EPS15L1: variants seen among roughly 807,000 people sequenced by gnomAD.
EPS15L1 encodes the protein epidermal growth factor receptor substrate 15-like 1.
Under a neutral mutation model 117.1 loss-of-function variants are expected in EPS15L1, and 43 were observed. The ratio of observed to expected loss-of-function variants is 0.37; its 90% CI spans 0.29 to 0.47. The LOEUF (loss-of-function observed/expected upper bound fraction) is 0.47. Ranked by LOEUF, EPS15L1 falls within the 20% of genes least tolerant of loss-of-function variation. EPS15L1 has a pLI of 0.99. For synonymous variants in EPS15L1, 459 were observed against 470.5 expected (o/e 0.98, Z 0.32); for missense variants, 981 against 1,164.0 (o/e 0.84, Z 2.29).
intron 1 of EPS15L1, among the ~76,000 whole-genome samples, chr19:16,465,933 A>T (rs558011199): frequency 5.9e-4 from 89 of 151,942 alleles, no homozygotes; most frequent in African/African-American, 2.1e-3. Context: ...GCCTGAGCTC[A>T]CTGGGTACAA....
intron 13 of EPS15L1, among the ~76,000 whole-genome samples, chr19:16,410,846 G>A (rs1319026397): frequency 1.3e-5 from 2 of 152,238 alleles, no homozygotes; most frequent in African/African-American, 4.8e-5. Context: ...CTGGGAGGCA[G>A]AAGTTGCAGT....
chr19:16,392,700 T>C (rs1174661019), intron 18 of EPS15L1, among the ~76,000 whole-genome samples: 1 of 152,146 alleles, frequency 6.6e-6, no homozygotes, highest in Non-Finnish European at 1.5e-5. Context: ...TATTACATAG[T>C]AAAATGGGTG....
At chr19:16,393,590 A>C (rs1179169929) in intron 18 of EPS15L1, among the ~76,000 whole-genome samples, 2 of 150,452 alleles carry the variant, frequency 1.3e-5, no homozygotes, top group East Asian at 1.9e-4. Flanking sequence ...CGGAGCTTGC[A>C]GTGAGCCGAG....
intron 17 of EPS15L1, 107 bp downstream of exon 17, chr19:16,395,237 C>G: frequency 9.0e-7 from 1 of 1,106,564 alleles, no homozygotes; most frequent in South Asian, 1.7e-5. Flanking sequence ...CTTTCCCCCT[C>G]CATTTCAGAT....
chr19:16,369,203 G>A (rs1366636845), intron 22 of EPS15L1, among the ~76,000 whole-genome samples: 2 of 152,114 alleles, frequency 1.3e-5, no homozygotes, highest in Admixed American at 6.5e-5. Flanking sequence ...AGTCCTGCAG[G>A]CACCAGCCCC....
rs200662040 is a variant in EPS15L1, at chr19:16,410,133, C to CAA, written c.1266+3638_1266+3639dup. Among the ~76,000 whole-genome samples the CAA allele has an allele frequency of 1.5e-3, 123 of 81,750 alleles. 1 individual carries two copies. The highest frequency in any genetic ancestry group is 2.9e-3 in the African/African-American group (64 of 21,708). 53.6% of individuals were successfully genotyped at this position (81,750 alleles called of 152,430 possible). Reference sequence around the variant, plus strand: ...TAGGCAACAGAGTGAGACTCCGTCTCAAAAAAAAAAAAAAATGCAATTTAA... The same window carrying CAA: ...TAGGCAACAGAGTGAGACTCCGTCTCAAAAAAAAAAAAAAAAATGCAATTTAA... On this transcript the variant is annotated intron_variant, in intron 13 of 23. Transcript: ENST00000455140.
At chr19:16,385,057 T>G (rs2092404870) in intron 21 of EPS15L1, 72 bp downstream of exon 21, 3 of 1,193,852 alleles carry the variant, frequency 2.5e-6, no homozygotes, top group Non-Finnish European at 3.7e-6. Flanking sequence ...CAATTACGCC[T>G]GGCAGCCCAC....
intron 22 of EPS15L1, 133 bp from the exon 23 acceptor site, chr19:16,362,117 G>A: frequency 1.1e-6 from 1 of 890,390 alleles, no homozygotes; most frequent in Non-Finnish European, 1.7e-6. Flanking sequence ...CTAACAGGCT[G>A]GACGGGGGTA....
chr19:16,430,031 G>T (rs747745065), intron 7 of EPS15L1, among the ~76,000 whole-genome samples: 1 of 152,242 alleles, frequency 6.6e-6, no homozygotes, highest in Non-Finnish European at 1.5e-5. Flanking sequence ...GTCCCCTGGG[G>T]GGTGGAAGTG....
intron 1 of EPS15L1, among the ~76,000 whole-genome samples, chr19:16,465,439 T>C (rs951131432): frequency 2.6e-4 from 39 of 152,110 alleles, no homozygotes; most frequent in Non-Finnish European, 4.1e-4. Flanking sequence ...ATCTCAGCGC[T>C]TTGGAGGCAG....
intron 1 of EPS15L1, among the ~76,000 whole-genome samples, chr19:16,456,869 T>A (rs2093202231): frequency 6.6e-6 from 1 of 151,714 alleles, no homozygotes. Flanking sequence ...ACGGCCCCAG[T>A]CAGGTGGAAG....
Position 16,404,899 on chromosome 19 carries a change from C to G in EPS15L1, c.1267-150G>C. On this transcript the variant is annotated intron_variant, in intron 13 of 23. Transcript: ENST00000455140. The surrounding 1 kb of genome is among the most constrained non-coding windows in gnomAD (Gnocchi z 4.2). ...AGGGCCAGCATTCCGTGCACACCCA[C>G]GGCCAATGTGTGCCTCTTGGGCTGG... 2.4e-6 allele frequency: 2 copies of G among 816,434 alleles called. No homozygotes were observed. The highest frequency in any genetic ancestry group is 3.9e-6 in the Non-Finnish European group (2 of 512,276). 50.6% of individuals were successfully genotyped at this position (816,434 alleles called of 1,614,324 possible).
rs1331120597 is a variant in EPS15L1 at position 16,413,766 on chromosome 19, C to G, written c.1266+7G>C. 6.2e-7 allele frequency: 1 copy of G among 1,612,850 alleles called. No homozygotes were observed. Among genetic ancestry groups the G allele is most frequent in the South Asian group, 1.1e-5 (1 of 91,048 alleles). On this transcript the variant is annotated splice_region_variant and intron_variant, in intron 13 of 23. Transcript: ENST00000455140. Reference sequence around the variant, plus strand: ...GTAGATGTAACCAAAACGAACGAGACCCTTACCTGCACCTCGCTGGTTTTC... The same window carrying G: ...GTAGATGTAACCAAAACGAACGAGAGCCTTACCTGCACCTCGCTGGTTTTC...
intron 7 of EPS15L1, 32 bp downstream of exon 7, chr19:16,434,333 G>A (rs1291057076): frequency 1.2e-6 from 2 of 1,609,652 alleles, no homozygotes; most frequent in East Asian, 4.5e-5. Context: ...GGGACACTGA[G>A]TGCAGAAGAA....
intron 15 of EPS15L1, 27 bp from the exon 16 acceptor site, chr19:16,402,512 T>G (rs765951004): frequency 4.5e-6 from 7 of 1,557,976 alleles, no homozygotes; most frequent in Non-Finnish European, 5.2e-6. Flanking sequence ...TCATCAGCAT[T>G]AAGCAGGGTC....
chr19:16,377,777 C>A (rs2092314104), intron 21 of EPS15L1, among the ~76,000 whole-genome samples: 2 of 152,206 alleles, frequency 1.3e-5, no homozygotes, highest in Admixed American at 6.5e-5. Context: ...TTCCTCCATG[C>A]CTCTGGGCTG....
At chr19:16,386,739 A>C (rs1333354599) in intron 19 of EPS15L1, among the ~76,000 whole-genome samples, 1 of 152,242 alleles carries the variant, frequency 6.6e-6, no homozygotes, top group Non-Finnish European at 1.5e-5. Flanking sequence ...CCCAAGTCTC[A>C]GGCTGGCCTC....
At chr19:16,413,487 C>G (rs2092727203) in intron 13 of EPS15L1, 1 of 731,676 alleles carries the variant, frequency 1.4e-6, no homozygotes, top group Admixed American at 2.3e-5. Context: ...CACCAAGTCT[C>G]CCTATCAGGA....
intron 10 of EPS15L1, 73 bp downstream of exon 10, chr19:16,421,246 C>T: frequency 2.0e-6 from 3 of 1,504,390 alleles, no homozygotes; most frequent in Non-Finnish European, 1.8e-6. Context: ...CCCTGACCAC[C>T]ACCCTCCACA....
Sources: allele counts gnomAD v4.1 joint callset (sites outside exome capture counted in the v4.1 genomes callset), GRCh38; gene constraint gnomAD v4.1.1; non-coding constraint Gnocchi (gnomAD v3.1); transcripts MANE v1.5; gene names NCBI Gene and HGNC (gene_info 2026-07-23, HGNC 2026-07-21).